The following RAP1GDS1 variants were observed in gnomAD, a reference collection of about 807,000 sequenced individuals.
RAP1GDS1 encodes the protein Rap1 GTPase-GDP dissociation stimulator 1.
RAP1GDS1 carries 35 observed loss-of-function variants against 71.1 expected under a neutral mutation model. The observed-to-expected ratio is 0.49, with a 90% CI of 0.38 to 0.65. RAP1GDS1 has a LOEUF of 0.65. Among genes scored for constraint, RAP1GDS1 ranks in the 30% least tolerant of loss-of-function variants. The pLI, the probability that RAP1GDS1 is intolerant of heterozygous loss-of-function variation, is 0.00. For synonymous variants in RAP1GDS1, 229 were observed against 243.1 expected (o/e 0.94, Z 0.54); for missense variants, 663 against 706.1 (o/e 0.94, Z 0.69).
intron 1 of RAP1GDS1, among the ~76,000 whole-genome samples, chr4:98,276,956 G>A (rs1724302371): frequency 6.6e-6 from 1 of 152,054 alleles, no homozygotes; most frequent in Admixed American, 6.6e-5. Flanking sequence ...GCTAGATTAG[G>A]GAACTGAGGA....
chr4:98,316,737 T>C (rs1320456638), intron 2 of RAP1GDS1, among the ~76,000 whole-genome samples: 1 of 152,182 alleles, frequency 6.6e-6, no homozygotes, highest in African/African-American at 2.4e-5. Context: ...AGCCTGGGTC[T>C]TGGGGTAGAA....
At chr4:98,366,301 T>C (rs959441670) in intron 4 of RAP1GDS1, among the ~76,000 whole-genome samples, 2 of 152,142 alleles carry the variant, frequency 1.3e-5, no homozygotes, top group Non-Finnish European at 2.9e-5. Flanking sequence ...TGCCATCCAT[T>C]GAAGACATGA....
At chr4:98,281,484 C>A (rs904443304) in intron 1 of RAP1GDS1, among the ~76,000 whole-genome samples, 15 of 152,150 alleles carry the variant, frequency 9.9e-5, no homozygotes, top group Non-Finnish European at 2.2e-4. Flanking sequence ...GCTGAAGTTG[C>A]TTACCAGCTT....
chr4:98,361,977 G>A (rs575404170), intron 4 of RAP1GDS1, among the ~76,000 whole-genome samples: 16 of 152,148 alleles, frequency 1.1e-4, no homozygotes, highest in South Asian at 4.1e-4. Context: ...CAGGGATTTT[G>A]CCTGAATCTG....
intron 2 of RAP1GDS1, among the ~76,000 whole-genome samples, chr4:98,330,213 C>A (rs1209020045): frequency 4.6e-5 from 7 of 152,230 alleles, no homozygotes; most frequent in Non-Finnish European, 1.0e-4. Flanking sequence ...TCTCCTATGT[C>A]TACTTCTTTC....
chr4:98,323,449 G>T (rs1265414941), intron 2 of RAP1GDS1, among the ~76,000 whole-genome samples: 1,177 of 102,792 alleles, frequency 0.011, 21 homozygotes, highest in African/African-American at 0.047. Flanking sequence ...TGATACCAAA[G>T]CCGGGCAGAG....
chr4:98,333,126 T>A (rs1353159392), intron 2 of RAP1GDS1, among the ~76,000 whole-genome samples: 5 of 152,116 alleles, frequency 3.3e-5, no homozygotes, highest in Non-Finnish European at 5.9e-5. Flanking sequence ...GTAATTTTTT[T>A]AATATCTCTC....
intron 12 of RAP1GDS1, among the ~76,000 whole-genome samples, chr4:98,422,924 A>C (rs1190969424): frequency 6.6e-6 from 1 of 152,344 alleles, no homozygotes; most frequent in South Asian, 2.1e-4. Context: ...TTGTCAGGAG[A>C]GAATAGCAAA....
rs573904459 is a variant in RAP1GDS1 at position 98,388,689 on chromosome 4, G to A, written c.509-3263G>A. On this transcript the variant is annotated intron_variant, in intron 5 of 14. Coordinates refer to ENST00000408927, the MANE Select transcript of RAP1GDS1 (RefSeq NM_001100427.2). Reference sequence around the variant, plus strand: ...TGCAGTGAACTGAGATCACACCACCGCACTCCAGCCTGAGCAACAGAGTGA... The same window carrying A: ...TGCAGTGAACTGAGATCACACCACCACACTCCAGCCTGAGCAACAGAGTGA... Among the ~76,000 whole-genome samples, 62 of 152,284 alleles carry A rather than the reference G, an allele frequency of 4.1e-4. No homozygotes were observed. The South Asian group carries it at 0.012, about 29-fold the overall frequency.
chr4:98,293,019 T>C (rs1727191479), intron 1 of RAP1GDS1, among the ~76,000 whole-genome samples: 1 of 152,174 alleles, frequency 6.6e-6, no homozygotes, highest in Admixed American at 6.6e-5. Flanking sequence ...ATGTCTTTAA[T>C]GTACAACAGA....
chr4:98,317,812 C>CTA (rs535958236), intron 2 of RAP1GDS1, among the ~76,000 whole-genome samples: 624 of 129,574 alleles, frequency 4.8e-3, no homozygotes, highest in African/African-American at 0.015. Context: ...TGATATTTGA[C>CTA]TATATATATA....
chr4:98,296,110 A>T (rs530429132), intron 2 of RAP1GDS1, among the ~76,000 whole-genome samples: 39 of 152,188 alleles, frequency 2.6e-4, no homozygotes, highest in African/African-American at 9.1e-4. Flanking sequence ...CAGGTGTTTT[A>T]ACTAAAAATA....
chr4:98,357,247 C>T (rs570161304), intron 4 of RAP1GDS1, among the ~76,000 whole-genome samples: 1 of 151,988 alleles, frequency 6.6e-6, no homozygotes, highest in East Asian at 1.9e-4. Context: ...ATTAAAGTCT[C>T]ATGCAAGTCT....
At chr4:98,277,824 A>G (rs778849529) in intron 1 of RAP1GDS1, among the ~76,000 whole-genome samples, 78 of 152,258 alleles carry the variant, frequency 5.1e-4, no homozygotes, top group Non-Finnish European at 7.6e-4. Context: ...TTTTTATAAT[A>G]GAGTTTGTCA....
chr4:98,408,902 T>C (rs896331069), intron 7 of RAP1GDS1, among the ~76,000 whole-genome samples: 2 of 152,112 alleles, frequency 1.3e-5, no homozygotes, highest in African/African-American at 2.4e-5. Flanking sequence ...GAAAAAGATA[T>C]CTATGAGAAG....
chr4:98,271,448 C>G (rs879134596), intron 1 of RAP1GDS1, among the ~76,000 whole-genome samples: 1 of 152,098 alleles, frequency 6.6e-6, no homozygotes, highest in Non-Finnish European at 1.5e-5. Context: ...TGGCTCATTT[C>G]AAGCCGCTAA....
intron 4 of RAP1GDS1, among the ~76,000 whole-genome samples, chr4:98,374,933 T>C (rs543217081): frequency 6.6e-6 from 1 of 152,184 alleles, no homozygotes; most frequent in Non-Finnish European, 1.5e-5. Flanking sequence ...CAAAATCCCA[T>C]TTCTAAACAA....
At chr4:98,284,760 G>C (rs1264771157) in intron 1 of RAP1GDS1, among the ~76,000 whole-genome samples, 1 of 152,154 alleles carries the variant, frequency 6.6e-6, no homozygotes, top group Non-Finnish European at 1.5e-5. Flanking sequence ...TTGGAGCCCT[G>C]AGAAATCCGA....
chr4:98,283,844 A>G lies in RAP1GDS1; in HGVS notation c.5-9564A>G, dbSNP rs1258332547. 1.1e-4 allele frequency among the ~76,000 whole-genome samples: 15 copies of G among 140,560 alleles called. No homozygotes were observed. The South Asian group carries it at 3.3e-3, about 31-fold the overall frequency. The allele number at this position is 140,560 out of a possible 152,430, so 92.2% of individuals were successfully genotyped here. A position where few individuals can be genotyped will look rare whatever the true frequency, so the allele number is the denominator to read the frequency against. On this transcript the variant is annotated intron_variant, in intron 1 of 14. Transcript: ENST00000408927. Reference sequence around the variant, plus strand: ...TTTTTTTTTTTTTTTTTTGTTAGTCACTAATTCAGATACATAGACAGTTGT... The same window carrying G: ...TTTTTTTTTTTTTTTTTTGTTAGTCGCTAATTCAGATACATAGACAGTTGT...
Sources: allele counts gnomAD v4.1 joint callset (sites outside exome capture counted in the v4.1 genomes callset), GRCh38; gene constraint gnomAD v4.1.1; transcripts MANE v1.5; gene names NCBI Gene and HGNC (gene_info 2026-07-23, HGNC 2026-07-21).